CERS2: variants seen among roughly 807,000 people sequenced by gnomAD.
CERS2 encodes ceramide synthase 2.
CERS2 carries 20 observed loss-of-function variants against 56.6 expected under a neutral mutation model. The ratio of observed to expected loss-of-function variants is 0.35; its 90% confidence interval spans 0.25 to 0.51. The LOEUF (loss-of-function observed/expected upper bound fraction) is 0.51, where lower values mean the gene tolerates loss of function less well. CERS2 is among the 20% of genes least tolerant of loss of function. The pLI is 0.96. For missense variants in CERS2, 361 were observed against 488.6 expected (o/e 0.74, Z 2.46); for synonymous variants, 187 against 175.4 (o/e 1.07, Z -0.52).
chr1:150,970,533 C>G (rs928453508), intron 1 of CERS2, among the ~76,000 whole-genome samples: 6 of 152,144 alleles, frequency 3.9e-5, no homozygotes, highest in African/African-American at 1.4e-4. Context: ...CTCTGTCACC[C>G]AAGCTGGAGT....
chr1:150,967,376 C>T lies in CERS2; in HGVS notation c.612+16G>A. ...ATTTTGGCTCTGAGGCTTAATTGCA[C>T]AACCCCTTCACCCACCTTTCGCTTG... On this transcript the variant is annotated intron_variant, in intron 7 of 10. Coordinates refer to ENST00000368954, the MANE Select transcript of CERS2 (RefSeq NM_022075.5). 1 of 1,556,974 alleles carries T rather than the reference C, an allele frequency of 6.4e-7. No individual in the cohort carries two copies. Among genetic ancestry groups the T allele is most frequent in the Non-Finnish European group, 8.9e-7 (1 of 1,128,046 alleles).
In CERS2 at chr1:150,967,730, G is replaced by T; in HGVS notation, c.469-16C>A. 1 of 1,613,514 alleles carries T rather than the reference G, an allele frequency of 6.2e-7. No homozygotes were observed. Among genetic ancestry groups the T allele is most frequent in the South Asian group, 1.1e-5 (1 of 91,046 alleles). On this transcript the variant is annotated splice_polypyrimidine_tract_variant and intron_variant, in intron 5 of 10. Coordinates refer to ENST00000368954, the MANE Select transcript of CERS2 (RefSeq NM_022075.5). Reference sequence around the variant, plus strand: ...ACCAGGGTTTCTGCAGAGAGATGGTGAGAAGTTAAAAGAGGAGGAACCCAA... The same window carrying T: ...ACCAGGGTTTCTGCAGAGAGATGGTTAGAAGTTAAAAGAGGAGGAACCCAA...
At chr1:150,966,717 T>A in intron 9 of CERS2, 39 bp downstream of exon 9, 2 of 1,603,576 alleles carry the variant, frequency 1.2e-6, no homozygotes, top group Non-Finnish European at 1.7e-6. Context: ...AGGCTCCTGA[T>A]TTCTTCAGAA....
In CERS2 at chr1:150,969,053, C is replaced by T. The variant is rs587718634; in HGVS notation, c.38G>A (p.Arg13His). The change falls in exon 2 of 11, where the codon CGT becomes CAT. Residue 13 changes from arginine (R) to histidine (H), a missense_variant. Around this residue, in one of 3 missense-constraint regions of CERS2, gnomAD observed 236 missense variants for 309.2 expected, o/e 0.76. Transcript: ENST00000368954. ...QTLYDYFWWE[R>H]LWLPVNLTWA... Reference sequence around the variant, plus strand: ...GGTCAAGTTCACAGGCAGCCACAGACGTTCCCACCAGAAGTAATCATACAA... The same window carrying T: ...GGTCAAGTTCACAGGCAGCCACAGATGTTCCCACCAGAAGTAATCATACAA... 9.9e-6 allele frequency: 16 copies of T among 1,614,050 alleles called. No homozygotes were observed. In the East Asian group the frequency reaches 1.1e-4, roughly 11 times the overall value.
chr1:150,969,233 T>G (rs1571675497), intron 1 of CERS2, 142 bp from the exon 2 acceptor site: 1 of 685,964 alleles, frequency 1.5e-6, no homozygotes, highest in African/African-American at 1.8e-5. Flanking sequence ...TATGTAGCCT[T>G]GGGCAAATCA....
rs1316798085 is a variant in CERS2 at position 150,966,685 on chromosome 1, A to G, written c.849-56T>C. On this transcript the variant is annotated intron_variant, in intron 9 of 10. Coordinates refer to ENST00000368954, the MANE Select transcript of CERS2 (RefSeq NM_022075.5). ...CAAGAGCAGGTCAGACACCGGGGAG[A>G]TACAGGAGGGGAAGAAAGGCAAGGC... The G allele has an allele frequency of 7.5e-6, 12 of 1,606,754 alleles. No individual in the cohort carries two copies. The Admixed American group carries it at 2.0e-4, about 27-fold the overall frequency.
intron 1 of CERS2, among the ~76,000 whole-genome samples, chr1:150,973,634 C>T (rs895185074): frequency 1.3e-5 from 2 of 152,352 alleles, no homozygotes; most frequent in East Asian, 1.9e-4. Flanking sequence ...GCCACTCACA[C>T]CCCGGTGCGG....
chr1:150,971,943 C>T (rs1402044328), intron 1 of CERS2: 1 of 469,436 alleles, frequency 2.1e-6, no homozygotes, highest in Non-Finnish European at 4.4e-6. Flanking sequence ...GATCCCATCC[C>T]CAACCAGGTC....
At chr1:150,974,378 G>GGCCC (rs1250429384) in intron 1 of CERS2, 1 of 149,686 alleles carries the variant, frequency 6.7e-6, no homozygotes, top group Non-Finnish European at 1.5e-5. Flanking sequence ...CGCGGCGCCA[G>GGCCC]GCCCGCCGGC....
Position 150,967,903 on chromosome 1 carries a change from G to C in CERS2, c.411-26C>G, listed in dbSNP as rs370277551. 4.8e-5 allele frequency: 77 copies of C among 1,589,926 alleles called. 1 individual carries two copies. In the Middle Eastern group the frequency reaches 5.4e-4, roughly 11 times the overall value. ...CTGGCAGAGGAAGCAGAAATGGCTA[G>C]GTCAGAGGATAGCACAGTCCCCCAG... On this transcript the variant is annotated intron_variant, in intron 4 of 10. Coordinates refer to ENST00000368954, the MANE Select transcript of CERS2 (RefSeq NM_022075.5).
intron 1 of CERS2, 94 bp from the exon 2 acceptor site, chr1:150,969,185 A>C: frequency 9.2e-7 from 1 of 1,089,484 alleles, no homozygotes; most frequent in Non-Finnish European, 1.3e-6. Flanking sequence ...CAAAAGGAGA[A>C]GGGGGCAGAG....
chr1:150,973,835 T>C (rs924138704), intron 1 of CERS2: 1 of 152,274 alleles, frequency 6.6e-6, no homozygotes, highest in Non-Finnish European at 1.5e-5. Context: ...CAGGTTTTGA[T>C]GCCAGGAGCT....
chr1:150,966,444 G>C (rs1414358491), intron 10 of CERS2, 32 bp downstream of exon 10: 1 of 1,613,128 alleles, frequency 6.2e-7, no homozygotes, highest in Non-Finnish European at 8.5e-7. Context: ...GTAGAGAGTA[G>C]TAAGGCCTAC....
intron 1 of CERS2, chr1:150,971,906 A>G (rs904178664): frequency 2.1e-6 from 1 of 471,170 alleles, no homozygotes; most frequent in South Asian, 1.5e-5. Flanking sequence ...CAAAGGTACC[A>G]TGTTGCCCTG....
chr1:150,971,753 G>A (rs1671186207), intron 1 of CERS2: 1 of 412,118 alleles, frequency 2.4e-6, no homozygotes, highest in Non-Finnish European at 5.0e-6. Context: ...ACAGAGAAGG[G>A]ACAATGCGGA....
At chr1:150,969,365 G>A in intron 1 of CERS2, 1 of 372,810 alleles carries the variant, frequency 2.7e-6, no homozygotes, top group Non-Finnish European at 5.0e-6. Context: ...CACGAGGTCA[G>A]GAGTTCGAGA....
At chr1:150,967,548 T>A in intron 6 of CERS2, 64 bp from the exon 7 acceptor site, 1 of 1,397,570 alleles carries the variant, frequency 7.2e-7, no homozygotes, top group Admixed American at 1.7e-5. Context: ...ACAAACCCCC[T>A]AGCCCCTGAG....
intron 1 of CERS2, chr1:150,971,942 C>T (rs1221096911): frequency 2.1e-6 from 1 of 470,168 alleles, no homozygotes; most frequent in Non-Finnish European, 4.4e-6. Flanking sequence ...AGATCCCATC[C>T]CCAACCAGGT....
chr1:150,968,692 G>C (rs1054755614), intron 2 of CERS2, among the ~76,000 whole-genome samples, 180 bp from the exon 3 acceptor site: 44 of 152,186 alleles, frequency 2.9e-4, no homozygotes, highest in African/African-American at 1.1e-3. Flanking sequence ...CAGGCGGGCG[G>C]CGGGTAGAGG....
Sources: allele counts gnomAD v4.1 joint callset (sites outside exome capture counted in the v4.1 genomes callset), GRCh38; gene constraint gnomAD v4.1.1; regional missense constraint gnomAD v4.1.1; transcripts MANE v1.5; gene names NCBI Gene and HGNC (gene_info 2026-07-23, HGNC 2026-07-21).